RCAN2: variants seen among roughly 807,000 people sequenced by gnomAD.
The protein encoded by RCAN2 is calcipressin-2.
In RCAN2, 9 loss-of-function variants were observed where a neutral mutation model predicts 23.6. The ratio of observed to expected loss-of-function variants is 0.38; its 90% CI spans 0.23 to 0.67. RCAN2 has a LOEUF of 0.67. Among genes scored for constraint, RCAN2 ranks in the 30% least tolerant of loss-of-function variants. RCAN2 has a pLI of 0.51. For synonymous variants in RCAN2, 109 were observed against 115.7 expected (o/e 0.94, Z 0.37); for missense variants, 273 against 302.3 (o/e 0.90, Z 0.72).
intron 2 of RCAN2, among the ~76,000 whole-genome samples, chr6:46,352,144 A>T (rs774024754): frequency 1.3e-5 from 2 of 152,244 alleles, no homozygotes; most frequent in Middle Eastern, 6.8e-3. Flanking sequence ...CTCTCCTGGG[A>T]TGTCTGAAAT....
chr6:46,263,486 TG>T (rs1767192653), intron 2 of RCAN2, among the ~76,000 whole-genome samples: 1 of 145,724 alleles, frequency 6.9e-6, no homozygotes, highest in African/African-American at 2.5e-5. Context: ...TGTGTGTGTG[TG>T]TGTGTGTATG....
intron 2 of RCAN2, among the ~76,000 whole-genome samples, chr6:46,292,803 A>T (rs866190918): frequency 6.6e-6 from 1 of 152,078 alleles, no homozygotes; most frequent in African/African-American, 2.4e-5. Flanking sequence ...TACATGTGCC[A>T]TGGTGGTTTG....
intron 2 of RCAN2, among the ~76,000 whole-genome samples, chr6:46,322,383 T>C (rs778696892): frequency 2.0e-5 from 3 of 152,242 alleles, no homozygotes; most frequent in South Asian, 4.1e-4. Context: ...AAGCCAAATA[T>C]GGCAGAATTC....
intron 2 of RCAN2, among the ~76,000 whole-genome samples, chr6:46,255,109 T>C (rs752496711): frequency 8.5e-5 from 13 of 152,160 alleles, no homozygotes; most frequent in Non-Finnish European, 1.8e-4. Flanking sequence ...AGGAAACAAA[T>C]ATAGGCAGCC....
At chr6:46,450,885 A>G (rs889470826) in intron 2 of RCAN2, among the ~76,000 whole-genome samples, 2 of 152,074 alleles carry the variant, frequency 1.3e-5, no homozygotes, top group Non-Finnish European at 2.9e-5. Flanking sequence ...AATCTATTGT[A>G]TTTTTAAAAA....
chr6:46,317,606 C>T (rs369108114), intron 2 of RCAN2, among the ~76,000 whole-genome samples: 3 of 152,182 alleles, frequency 2.0e-5, no homozygotes, highest in Non-Finnish European at 2.9e-5. Context: ...GGAGTACAGG[C>T]GCCTGTCACC....
At chr6:46,375,438 C>G (rs1765430803) in intron 2 of RCAN2, among the ~76,000 whole-genome samples, 1 of 152,166 alleles carries the variant, frequency 6.6e-6, no homozygotes, top group South Asian at 2.1e-4. Context: ...TCCCCATGAT[C>G]ACATCTTTCC....
chr6:46,478,158 A>G (rs1303914057), intron 1 of RCAN2, among the ~76,000 whole-genome samples: 1 of 152,180 alleles, frequency 6.6e-6, no homozygotes, highest in African/African-American at 2.4e-5. Context: ...ATTTTGCCCA[A>G]TACTTTAATG....
chr6:46,420,205 A>G (rs902105093), intron 2 of RCAN2, among the ~76,000 whole-genome samples: 9 of 152,102 alleles, frequency 5.9e-5, no homozygotes, highest in Non-Finnish European at 1.2e-4. Flanking sequence ...AGACTAGAGC[A>G]TTTAAACAAA....
chr6:46,345,683 G>A (rs1200462843), intron 2 of RCAN2, among the ~76,000 whole-genome samples: 1 of 152,028 alleles, frequency 6.6e-6, no homozygotes, highest in Non-Finnish European at 1.5e-5. Context: ...TTTCTCATAG[G>A]TGTACAGTGG....
chr6:46,352,371 C>A (rs1171674132), intron 2 of RCAN2, among the ~76,000 whole-genome samples: 1 of 152,154 alleles, frequency 6.6e-6, no homozygotes, highest in East Asian at 1.9e-4. Context: ...GTACCCAAAT[C>A]TCTGAGAATG....
intron 2 of RCAN2, among the ~76,000 whole-genome samples, chr6:46,271,373 G>A (rs1216275884): frequency 6.6e-6 from 1 of 152,142 alleles, no homozygotes; most frequent in Non-Finnish European, 1.5e-5. Flanking sequence ...CAACTGATTG[G>A]ATGAAGCCCA....
chr6:46,344,845 C>T (rs1408930399), intron 2 of RCAN2, among the ~76,000 whole-genome samples: 1 of 120,416 alleles, frequency 8.3e-6, no homozygotes, highest in Non-Finnish European at 2.0e-5. Context: ...GCCAAGATGA[C>T]AGATTAAACT....
intron 2 of RCAN2, among the ~76,000 whole-genome samples, chr6:46,270,753 G>T (rs534032237): frequency 5.3e-5 from 8 of 152,294 alleles, no homozygotes; most frequent in Middle Eastern, 3.4e-3. Context: ...GAAGCAAGCT[G>T]CTGTGGTGTG....
intron 2 of RCAN2, among the ~76,000 whole-genome samples, chr6:46,295,349 AG>A (rs1427720559): frequency 7.9e-5 from 12 of 152,158 alleles, no homozygotes; most frequent in Admixed American, 7.9e-4. Context: ...AGAGACATAG[AG>A]ATGAGCTGAT....
chr6:46,325,242 C>T, intron 2 of RCAN2: 2 of 704,754 alleles, frequency 2.8e-6, no homozygotes, highest in Non-Finnish European at 4.5e-6. Flanking sequence ...ACTTATTCTA[C>T]TTAATGCAGC....
At chr6:46,292,233 CT>C (rs1016041694) in intron 2 of RCAN2, among the ~76,000 whole-genome samples, 4 of 152,112 alleles carry the variant, frequency 2.6e-5, no homozygotes, top group Non-Finnish European at 5.9e-5. Flanking sequence ...TTAGCTAACT[CT>C]ACTTGAGAGA....
At chr6:46,461,649 G>C (rs1207967319) in intron 1 of RCAN2, among the ~76,000 whole-genome samples, 2 of 150,896 alleles carry the variant, frequency 1.3e-5, no homozygotes, top group Non-Finnish European at 2.9e-5. Context: ...ACAATGGCAC[G>C]ATCTTGACTC....
At chr6:46,294,334 T>G (rs935419137) in intron 2 of RCAN2, among the ~76,000 whole-genome samples, 1 of 152,194 alleles carries the variant, frequency 6.6e-6, no homozygotes, top group Non-Finnish European at 1.5e-5. Flanking sequence ...CTAGTTAGTG[T>G]GAGACATCCA....
Sources: allele counts gnomAD v4.1 joint callset (sites outside exome capture counted in the v4.1 genomes callset), GRCh38; gene constraint gnomAD v4.1.1; transcripts MANE v1.5; gene names NCBI Gene and HGNC (gene_info 2026-07-23, HGNC 2026-07-21).